The following GPR137C variants were observed in gnomAD, a reference collection of about 807,000 sequenced individuals.
The protein encoded by GPR137C is G protein-coupled receptor 137C.
A neutral mutation model predicts 43.4 loss-of-function variants in GPR137C; 27 were observed. That is an observed-to-expected ratio of 0.62 (90% confidence interval 0.46 to 0.86). The LOEUF is 0.86. Ranked by LOEUF, GPR137C falls within the 40% of genes least tolerant of loss-of-function variation. GPR137C has a pLI of 0.00. For missense variants in GPR137C, 522 were observed against 534.6 expected (o/e 0.98, Z 0.23); for synonymous variants, 285 against 226.9 (o/e 1.26, Z -2.30).
intron 3 of GPR137C, among the ~76,000 whole-genome samples, chr14:52,609,642 G>A (rs189261409): frequency 9.8e-5 from 15 of 152,322 alleles, no homozygotes; most frequent in African/African-American, 2.6e-4. Flanking sequence ...GACGCTCTAA[G>A]CCTAGGCTTG....
At chr14:52,630,184 T>G (rs2039278469) in intron 3 of GPR137C, among the ~76,000 whole-genome samples, 1 of 152,176 alleles carries the variant, frequency 6.6e-6, no homozygotes, top group South Asian at 2.1e-4. Context: ...TTTGTTGTAT[T>G]AATTCGGCAT....
At chr14:52,563,976 A>G (rs2038326410) in intron 1 of GPR137C, among the ~76,000 whole-genome samples, 1 of 152,086 alleles carries the variant, frequency 6.6e-6, no homozygotes, top group South Asian at 2.1e-4. Context: ...ACAAAAATCT[A>G]TTATAAAAGC....
At chr14:52,598,209 G>A in intron 1 of GPR137C, 63 bp from the exon 2 acceptor site, 1 of 584,168 alleles carries the variant, frequency 1.7e-6, no homozygotes, top group East Asian at 3.2e-5. Context: ...CACAAAATCA[G>A]AACATATTTA....
At chr14:52,631,561 A>G (rs1159023508) in intron 3 of GPR137C, among the ~76,000 whole-genome samples, 1 of 152,160 alleles carries the variant, frequency 6.6e-6, no homozygotes, top group Non-Finnish European at 1.5e-5. Context: ...CCAGTTGAGA[A>G]CCACTAAGTT....
chr14:52,563,647 AAC>A (rs371477623), intron 1 of GPR137C, among the ~76,000 whole-genome samples: 22 of 151,832 alleles, frequency 1.4e-4, no homozygotes, highest in African/African-American at 3.1e-4. Context: ...CCAACTCAAA[AAC>A]ACACACACAC....
chr14:52,609,889 C>G (rs941752569), intron 3 of GPR137C, among the ~76,000 whole-genome samples: 1 of 152,214 alleles, frequency 6.6e-6, no homozygotes, highest in African/African-American at 2.4e-5. Flanking sequence ...TGGCCTTTGA[C>G]TATTTTTGTG....
At chr14:52,604,204 A>G (rs148035757) in intron 3 of GPR137C, among the ~76,000 whole-genome samples, 109 of 152,226 alleles carry the variant, frequency 7.2e-4, no homozygotes, top group African/African-American at 2.6e-3. Flanking sequence ...CTCCCATTCT[A>G]TAGGTTGTCA....
At position 52,634,920 on chromosome 14, in the gene GPR137C, G is replaced by C; in HGVS notation, c.1113-18G>C. The C allele has an allele frequency of 6.2e-7, 1 of 1,607,424 alleles. No homozygotes were observed. Among genetic ancestry groups the C allele is most frequent in the Non-Finnish European group, 8.5e-7 (1 of 1,177,278 alleles). On this transcript the variant is annotated intron_variant, in intron 6 of 6. Coordinates refer to ENST00000321662, the MANE Select transcript of GPR137C (RefSeq NM_001099652.2). ...CTGATCATAGTCCTATGGTCTTTTT[G>C]CCTTTTTTTTGTTGCAGTTTACCAA...
intron 1 of GPR137C, among the ~76,000 whole-genome samples, chr14:52,562,777 C>G (rs1361908608): frequency 2.0e-5 from 3 of 152,004 alleles, no homozygotes; most frequent in Non-Finnish European, 4.4e-5. Flanking sequence ...AAATTTACAA[C>G]CTGGAATATT....
intron 3 of GPR137C, among the ~76,000 whole-genome samples, chr14:52,609,436 C>A (rs2039015605): frequency 6.6e-6 from 1 of 152,152 alleles, no homozygotes; most frequent in South Asian, 2.1e-4. Flanking sequence ...TTGATGAGGT[C>A]ATATTTCTCT....
chr14:52,559,966 G>C (rs577019189), intron 1 of GPR137C, among the ~76,000 whole-genome samples: 1 of 152,144 alleles, frequency 6.6e-6, no homozygotes, highest in South Asian at 2.1e-4. Context: ...TTCATGACCA[G>C]CCTGGGCAAC....
rs1453496156 is a variant in GPR137C, at chr14:52,636,983, T to C, written c.*1868T>C. On this transcript the variant is annotated 3_prime_UTR_variant, in exon 7 of 7. Transcript: ENST00000321662. ...AAAGATATGTTGTCTTTGTTAATCC[T>C]TGGGGTTCAAGGTGATAAAGTTTTT... 1.3e-5 allele frequency: 2 copies of C among 152,166 alleles called. No individual in the cohort carries two copies. The highest frequency in any genetic ancestry group is 2.9e-5 in the Non-Finnish European group (2 of 68,000). The allele number at this position is 152,166 out of a possible 1,614,324, so 9.4% of individuals were successfully genotyped here. A position where few individuals can be genotyped will look rare whatever the true frequency, so the allele number is the denominator to read the frequency against.
At chr14:52,562,703 A>G (rs2038304853) in intron 1 of GPR137C, among the ~76,000 whole-genome samples, 1 of 152,250 alleles carries the variant, frequency 6.6e-6, no homozygotes, top group Admixed American at 6.5e-5. Flanking sequence ...TAAGAATACT[A>G]TATGATAATA....
intron 1 of GPR137C, among the ~76,000 whole-genome samples, chr14:52,563,645 A>G (rs760765316): frequency 3.3e-5 from 5 of 152,034 alleles, no homozygotes; most frequent in Non-Finnish European, 7.4e-5. Context: ...TCCCAACTCA[A>G]AAACACACAC....
At chr14:52,566,483 T>A (rs925121779) in intron 1 of GPR137C, among the ~76,000 whole-genome samples, 3 of 152,156 alleles carry the variant, frequency 2.0e-5, no homozygotes, top group African/African-American at 7.2e-5. Flanking sequence ...CCAAGAGCTT[T>A]TGTGGAAGAG....
At chr14:52,617,855 A>C (rs1036273634) in intron 3 of GPR137C, among the ~76,000 whole-genome samples, 7 of 152,182 alleles carry the variant, frequency 4.6e-5, no homozygotes, top group Admixed American at 3.9e-4. Context: ...GGTTGCTATG[A>C]GGATAAGAGC....
At position 52,633,931 on chromosome 14, in the gene GPR137C, G is replaced by T; in HGVS notation, c.1097G>T (p.Ser366Ile). The T allele has an allele frequency of 1.9e-6, 3 of 1,596,814 alleles. No homozygotes were observed. The highest frequency in any genetic ancestry group is 2.6e-6 in the Non-Finnish European group (3 of 1,164,586). The stretch of plus-strand genomic sequence containing the variant: ...GATGATGACCTGCCAAGACTGGGAA[G>T]TTCAAGAGAAGGAAGGTAGATGTAA... ...DSDDDLPRLG[S>I]SREGSLPNSQ... The change falls in exon 6 of 7, where the codon AGT becomes ATT. Residue 366 changes from serine to isoleucine, a missense_variant. Ser to Ile is a moderately radical substitution (Grantham distance 142). Transcript: ENST00000321662.
chr14:52,566,764 G>A (rs1030436309), intron 1 of GPR137C, among the ~76,000 whole-genome samples: 11 of 152,192 alleles, frequency 7.2e-5, no homozygotes, highest in African/African-American at 1.7e-4. Context: ...ATTTTTAAAT[G>A]GATGGTAGAT....
intron 3 of GPR137C, among the ~76,000 whole-genome samples, chr14:52,621,915 AAAAT>A (rs2039165876): frequency 2.0e-5 from 3 of 151,894 alleles, no homozygotes; most frequent in South Asian, 4.1e-4. Context: ...TAATTTATTT[AAAAT>A]AAATCCATTA....
Sources: gnomAD v4.1 joint callset for allele counts (sites outside exome capture counted in the v4.1 genomes callset) on GRCh38, gnomAD v4.1.1 for gene constraint, MANE v1.5 for transcripts, NCBI Gene and HGNC (gene_info 2026-07-23, HGNC 2026-07-21) for gene names.